The following DLGAP2 variants were observed in gnomAD, a reference collection of about 807,000 sequenced individuals.
DLGAP2 encodes the protein DLG associated protein 2.
Under a neutral mutation model 100.3 loss-of-function variants are expected in DLGAP2, and 26 were observed. The observed-to-expected ratio is 0.26, with a 90% CI of 0.19 to 0.36. The LOEUF (loss-of-function observed/expected upper bound fraction) is 0.36, where lower values mean the gene tolerates loss of function less well. DLGAP2 is among the 10% of genes least tolerant of loss of function. The pLI, the probability that DLGAP2 is intolerant of heterozygous loss-of-function variation, is 1.00. For missense variants in DLGAP2, 1,858 were observed against 1,453.2 expected, an observed-to-expected ratio of 1.28 and a Z score of -4.53; for synonymous variants, 886 against 630.1, an observed-to-expected ratio of 1.41 and a Z score of -6.08.
At chr8:1,626,540 C>G (rs1352117904) in intron 6 of DLGAP2, among the ~76,000 whole-genome samples, 200 bp from the exon 7 acceptor site, 1 of 148,524 alleles carries the variant, frequency 6.7e-6, no homozygotes, top group Admixed American at 6.7e-5. Flanking sequence ...GGTGCTCAGC[C>G]TCTGGGTGTG....
chr8:1,292,424 G>C (rs545902514), intron 3 of DLGAP2, among the ~76,000 whole-genome samples: 1 of 152,210 alleles, frequency 6.6e-6, no homozygotes, highest in Non-Finnish European at 1.5e-5. Flanking sequence ...GGATGGGACA[G>C]TGCGCTGTCT....
intron 3 of DLGAP2, among the ~76,000 whole-genome samples, chr8:1,453,208 G>T (rs1798211851): frequency 6.6e-6 from 1 of 152,162 alleles, no homozygotes; most frequent in Non-Finnish European, 1.5e-5. Flanking sequence ...GAAGGTCTTA[G>T]GCACACAGTT....
chr8:1,226,388 C>A (rs1006142299), intron 2 of DLGAP2, among the ~76,000 whole-genome samples: 1 of 152,164 alleles, frequency 6.6e-6, no homozygotes, highest in Non-Finnish European at 1.5e-5. Context: ...CAAAACACTA[C>A]ATGTTCTCAC....
rs1293362826 is a variant in DLGAP2 at position 793,826 on chromosome 8, GACA to G, written c.18+56005_18+56007del. 5.9e-5 allele frequency among the ~76,000 whole-genome samples: 9 copies of G among 152,326 alleles called. No individual in the cohort carries two copies. In the East Asian group the frequency reaches 1.4e-3, roughly 23 times the overall value. On this transcript the variant is annotated intron_variant, in intron 1 of 14. Transcript: ENST00000637795. Reference sequence around the variant, plus strand: ...TATTATTTTGTTTTACAGAACCAAGGACAACATCTTCCTTGCACTTCCTGTGGC... The same window carrying G: ...TATTATTTTGTTTTACAGAACCAAGGACATCTTCCTTGCACTTCCTGTGGC...
At chr8:989,434 C>T (rs1406351852) in intron 2 of DLGAP2, among the ~76,000 whole-genome samples, 1 of 152,200 alleles carries the variant, frequency 6.6e-6, no homozygotes, top group African/African-American at 2.4e-5. Context: ...TTTTTGGCCT[C>T]TCCTGTGTCC....
At chr8:1,641,319 C>G (rs1797893323) in intron 8 of DLGAP2, among the ~76,000 whole-genome samples, 2 of 152,114 alleles carry the variant, frequency 1.3e-5, no homozygotes, top group Admixed American at 1.3e-4. Context: ...AAGATTTTCC[C>G]CAAGTGTGTA....
intron 2 of DLGAP2, among the ~76,000 whole-genome samples, chr8:1,224,102 T>C (rs574796557): frequency 1.2e-4 from 19 of 152,342 alleles, no homozygotes; most frequent in Admixed American, 1.1e-3. Context: ...GCAGACAGAA[T>C]TTAAACCACA....
intron 1 of DLGAP2, among the ~76,000 whole-genome samples, chr8:879,865 G>T (rs1226853335): frequency 6.6e-6 from 1 of 152,150 alleles, no homozygotes; most frequent in African/African-American, 2.4e-5. Context: ...TACCTGGACT[G>T]TCTTCTCCAT....
At chr8:1,626,674 C>G in intron 6 of DLGAP2, 66 bp from the exon 7 acceptor site, 2 of 1,541,578 alleles carry the variant, frequency 1.3e-6, no homozygotes, top group Non-Finnish European at 1.8e-6. Context: ...GTTGGATGGT[C>G]ATTCCCACCT....
chr8:915,512 A>C (rs865791635), intron 2 of DLGAP2, among the ~76,000 whole-genome samples: 1 of 151,072 alleles, frequency 6.6e-6, no homozygotes. Context: ...GCACCACTGC[A>C]CTCCAGCCTG....
chr8:1,206,942 A>C (rs1798009272), intron 2 of DLGAP2, among the ~76,000 whole-genome samples: 2 of 151,756 alleles, frequency 1.3e-5, no homozygotes, highest in Non-Finnish European at 2.9e-5. Flanking sequence ...CATCCATCTC[A>C]GTGCTGAGTG....
intron 2 of DLGAP2, among the ~76,000 whole-genome samples, chr8:1,135,249 G>A (rs1404770496): frequency 1.3e-5 from 2 of 152,212 alleles, no homozygotes; most frequent in African/African-American, 2.4e-5. Flanking sequence ...ATGTCAGTTA[G>A]TATTTTCCAA....
intron 1 of DLGAP2, among the ~76,000 whole-genome samples, chr8:772,514 G>C (rs1004229843): frequency 1.3e-5 from 2 of 151,860 alleles, no homozygotes; most frequent in Admixed American, 1.3e-4. Flanking sequence ...GTAGAGACGG[G>C]GTTTCACCAT....
chr8:955,246 A>G (rs1470194138), intron 2 of DLGAP2, among the ~76,000 whole-genome samples: 2 of 152,008 alleles, frequency 1.3e-5, no homozygotes, highest in Admixed American at 6.6e-5. Context: ...CCAGGTGCAC[A>G]TTTGCCTCTT....
intron 3 of DLGAP2, among the ~76,000 whole-genome samples, chr8:1,427,111 A>C (rs1429764091): frequency 1.3e-5 from 2 of 152,230 alleles, no homozygotes. Flanking sequence ...AACACTACAT[A>C]GGTTAAAAAT....
chr8:1,257,896 C>A (rs1050901489), intron 2 of DLGAP2, among the ~76,000 whole-genome samples: 10 of 152,228 alleles, frequency 6.6e-5, no homozygotes, highest in African/African-American at 2.4e-4. Context: ...AGGTCACCTG[C>A]CCTCATGTTC....
At chr8:1,660,422 A>G (rs1158506177) in intron 8 of DLGAP2, among the ~76,000 whole-genome samples, 2 of 152,252 alleles carry the variant, frequency 1.3e-5, no homozygotes, top group South Asian at 2.1e-4. Context: ...TTATATGCAT[A>G]TACGCCCACT....
intron 2 of DLGAP2, among the ~76,000 whole-genome samples, chr8:930,410 G>C (rs1162061677): frequency 6.6e-6 from 1 of 152,220 alleles, no homozygotes; most frequent in East Asian, 1.9e-4. Context: ...GTGCTGGGGT[G>C]CACACCAGGG....
At chr8:1,426,481 C>A (rs1471615329) in intron 3 of DLGAP2, among the ~76,000 whole-genome samples, 2 of 152,120 alleles carry the variant, frequency 1.3e-5, no homozygotes, top group African/African-American at 4.8e-5. Context: ...AAGAAAAGAT[C>A]CCAGAGGTCG....
Sources: allele counts gnomAD v4.1 joint callset (sites outside exome capture counted in the v4.1 genomes callset), GRCh38; gene constraint gnomAD v4.1.1; transcripts MANE v1.5; gene names NCBI Gene and HGNC (gene_info 2026-07-23, HGNC 2026-07-21).